The following TAFA5 variants were observed in gnomAD, a reference collection of about 807,000 sequenced individuals.
The protein encoded by TAFA5 is TAFA chemokine like family member 5, also known as chemokine-like protein TAFA-5.
TAFA5 carries 6 observed loss-of-function variants against 15.3 expected under a neutral mutation model. That is an observed-to-expected ratio of 0.39 (90% CI 0.21 to 0.77). TAFA5 has a LOEUF of 0.77. Ranked by LOEUF, TAFA5 falls within the 30% of genes least tolerant of loss-of-function variation. TAFA5 has a pLI of 0.41. For missense variants in TAFA5, 161 were observed against 193.1 expected (o/e 0.83, Z 0.98); for synonymous variants, 103 against 80.7 (o/e 1.28, Z -1.48).
Position 48,629,298 on chromosome 22 carries a change from C to T in TAFA5, c.113-17299C>T, listed in dbSNP as rs990445303. Among the ~76,000 whole-genome samples the T allele has an allele frequency of 9.2e-5, 14 of 152,290 alleles. No homozygotes were observed. The East Asian group carries it at 1.2e-3, about 13-fold the overall frequency. ...GCCCTCTCCCAGGCCTCCCATCCTCCGGCTCAGGAAGGACAGAGGCGGAAC... is the reference window on the plus strand; with the variant it reads ...GCCCTCTCCCAGGCCTCCCATCCTCTGGCTCAGGAAGGACAGAGGCGGAAC... On this transcript the variant is annotated intron_variant, in intron 1 of 3. Transcript: ENST00000402357.
intron 3 of TAFA5, among the ~76,000 whole-genome samples, chr22:48,731,123 C>A (rs893903518): frequency 6.6e-6 from 1 of 152,220 alleles, no homozygotes; most frequent in Admixed American, 6.5e-5. Flanking sequence ...GAGACAAGAT[C>A]CAACCAGCCA....
intron 1 of TAFA5, among the ~76,000 whole-genome samples, chr22:48,584,347 A>G (rs1166013945): frequency 1.3e-5 from 2 of 149,342 alleles, no homozygotes; most frequent in Non-Finnish European, 3.0e-5. Flanking sequence ...CACACACACC[A>G]CACACACCGT....
At chr22:48,612,059 C>T (rs1925427992) in intron 1 of TAFA5, among the ~76,000 whole-genome samples, 1 of 152,300 alleles carries the variant, frequency 6.6e-6, no homozygotes, top group East Asian at 1.9e-4. Context: ...CAGGGCAAGG[C>T]TGGAAGCAGC....
chr22:48,704,020 T>C lies in TAFA5; in HGVS notation c.263-3697T>C, dbSNP rs181546430. Among the ~76,000 whole-genome samples, 234 of 152,322 alleles carry C rather than the reference T, an allele frequency of 1.5e-3. 1 individual carries two copies. Among genetic ancestry groups the C allele is most frequent in the African/African-American group, 5.0e-3 (208 of 41,580 alleles). On this transcript the variant is annotated intron_variant, in intron 2 of 3. Coordinates refer to ENST00000402357, the MANE Select transcript of TAFA5 (RefSeq NM_001082967.3). ...GGCACTGGGGACCCCAGGGGGTTTC[T>C]GAGGCCCCGTTCAGCTCAAGATGAG...
At chr22:48,543,320 C>G (rs1226844185) in intron 1 of TAFA5, 1 of 152,120 alleles carries the variant, frequency 6.6e-6, no homozygotes, top group Admixed American at 6.5e-5. Flanking sequence ...AGACAAAATC[C>G]TTCATAAAAG....
rs565859294 is a variant in TAFA5, at chr22:48,708,554, G to A, written c.390+710G>A. Among the ~76,000 whole-genome samples the A allele has an allele frequency of 3.3e-5, 5 of 152,340 alleles. No homozygotes were observed. The South Asian group carries it at 8.3e-4, about 25-fold the overall frequency. The stretch of plus-strand genomic sequence containing the variant: ...TTTCCCCTGCAGAGGGGCAGAGGAG[G>A]GGAGCCCACGCCCACGTGCATGGGG... On this transcript the variant is annotated intron_variant, in intron 3 of 3. Coordinates refer to ENST00000402357, the MANE Select transcript of TAFA5 (RefSeq NM_001082967.3).
intron 1 of TAFA5, among the ~76,000 whole-genome samples, chr22:48,492,869 C>T (rs190598050): frequency 3.8e-4 from 58 of 152,294 alleles, no homozygotes; most frequent in African/African-American, 1.3e-3. Flanking sequence ...GGAAACCTCT[C>T]TGGGTGTGGC....
chr22:48,585,492 A>G (rs910994775), intron 1 of TAFA5, among the ~76,000 whole-genome samples: 1 of 151,488 alleles, frequency 6.6e-6, no homozygotes, highest in Non-Finnish European at 1.5e-5. Context: ...CATACAAAAT[A>G]CACCACATAC....
intron 1 of TAFA5, among the ~76,000 whole-genome samples, chr22:48,592,245 C>T (rs780326512): frequency 6.6e-6 from 1 of 152,214 alleles, no homozygotes; most frequent in Non-Finnish European, 1.5e-5. Context: ...CTGGTCTGTC[C>T]CCAACACTGT....
At chr22:48,681,774 G>A (rs551825911) in intron 2 of TAFA5, among the ~76,000 whole-genome samples, 1 of 152,308 alleles carries the variant, frequency 6.6e-6, no homozygotes, top group East Asian at 1.9e-4. Flanking sequence ...AGAAGATGGG[G>A]TCTGTCCTTC....
chr22:48,564,891 C>T (rs1026193242), intron 1 of TAFA5, among the ~76,000 whole-genome samples: 5 of 152,216 alleles, frequency 3.3e-5, no homozygotes, highest in South Asian at 2.1e-4. Context: ...CTGAGACACC[C>T]GCCCCCCAGT....
At chr22:48,589,239 G>A (rs527614442) in intron 1 of TAFA5, among the ~76,000 whole-genome samples, 99 of 152,192 alleles carry the variant, frequency 6.5e-4, no homozygotes, top group Non-Finnish European at 1.1e-3. Context: ...GCTTGCTGGC[G>A]GAAGGTGGCC....
At chr22:48,565,240 C>A (rs1180634990) in intron 1 of TAFA5, among the ~76,000 whole-genome samples, 1 of 152,092 alleles carries the variant, frequency 6.6e-6, no homozygotes. Context: ...GGGGTGTAGA[C>A]CCTGAGAAGG....
chr22:48,721,354 G>A (rs1569093917), intron 3 of TAFA5, among the ~76,000 whole-genome samples: 1 of 152,160 alleles, frequency 6.6e-6, no homozygotes, highest in South Asian at 2.1e-4. Context: ...TGTGACCTCA[G>A]ATCCTCACCA....
intron 1 of TAFA5, among the ~76,000 whole-genome samples, chr22:48,515,569 C>T (rs1921374507): frequency 6.6e-6 from 1 of 152,182 alleles, no homozygotes; most frequent in Non-Finnish European, 1.5e-5. Flanking sequence ...TCTGCTCTCC[C>T]TTGATGCTCC....
chr22:48,499,962 C>T (rs16999282), intron 1 of TAFA5, among the ~76,000 whole-genome samples: 39,968 of 152,008 alleles, frequency 0.26, 8,309 homozygotes, highest in African/African-American at 0.58. Flanking sequence ...CAGCTGGAAC[C>T]GCACCTCCCT....
Position 48,530,068 on chromosome 22 carries a change from G to A in TAFA5, c.112+40364G>A, listed in dbSNP as rs1277568186. 6.6e-6 allele frequency among the ~76,000 whole-genome samples: 1 copy of A among 152,154 alleles called. No homozygotes were observed. The highest frequency in any genetic ancestry group is 1.9e-4 in the East Asian group (1 of 5,178). ...AGAGGCCGTGGGCCCTCTGCTTTGT[G>A]GGGCTGGGCTGAGTAGGGTGAGGGA... is the stretch of plus-strand genomic sequence containing the variant. On this transcript the variant is annotated intron_variant, in intron 1 of 3. Transcript: ENST00000402357. The surrounding 1 kb of genome is among the most constrained non-coding windows in gnomAD (Gnocchi z 6.0).
chr22:48,591,444 G>A (rs1003614325), intron 1 of TAFA5, among the ~76,000 whole-genome samples: 3 of 152,244 alleles, frequency 2.0e-5, no homozygotes, highest in African/African-American at 4.8e-5. Context: ...GGCTTGCGAT[G>A]CCTCAGTTGC....
chr22:48,699,223 G>A (rs1928825787), intron 2 of TAFA5, among the ~76,000 whole-genome samples: 2 of 152,076 alleles, frequency 1.3e-5, no homozygotes, highest in Admixed American at 1.3e-4. Flanking sequence ...GTGAGCCACC[G>A]TGCCCTGCTG....
Sources: allele counts gnomAD v4.1 joint callset (sites outside exome capture counted in the v4.1 genomes callset), GRCh38; gene constraint gnomAD v4.1.1; non-coding constraint Gnocchi (gnomAD v3.1); transcripts MANE v1.5; gene names NCBI Gene and HGNC (gene_info 2026-07-23, HGNC 2026-07-21).